FLT1: variants seen among roughly 807,000 people sequenced by gnomAD.
FLT1 encodes fms related receptor tyrosine kinase 1, also known as vascular endothelial growth factor receptor 1.
FLT1 carries 49 observed loss-of-function variants against 156.3 expected under a neutral mutation model. The ratio of observed to expected loss-of-function variants is 0.31; its 90% confidence interval spans 0.25 to 0.40. The LOEUF (loss-of-function observed/expected upper bound fraction) is 0.40. Among genes scored for constraint, FLT1 ranks in the 10% least tolerant of loss-of-function variants. The probability of loss-of-function intolerance (pLI) is 1.00; values close to 1 mark genes in which losing one functional copy is unlikely to be tolerated. For missense variants in FLT1, 1,322 were observed against 1,637.2 expected, an observed-to-expected ratio of 0.81 and a Z score of 3.32; for synonymous variants, 594 against 583.8, an observed-to-expected ratio of 1.02 and a Z score of -0.25.
intron 10 of FLT1, among the ~76,000 whole-genome samples, chr13:28,412,165 C>CTAAA (rs1876239504): frequency 6.6e-6 from 1 of 152,220 alleles, no homozygotes. Flanking sequence ...ATTATGGCGG[C>CTAAA]CATCCTGTAG....
intron 14 of FLT1, among the ~76,000 whole-genome samples, chr13:28,384,100 T>A (rs1030739830): frequency 6.6e-6 from 1 of 152,172 alleles, no homozygotes; most frequent in African/African-American, 2.4e-5. Context: ...AAAAGTTTTC[T>A]TTTTACCAAA....
intron 11 of FLT1, among the ~76,000 whole-genome samples, chr13:28,405,055 A>G (rs1220065502): frequency 6.6e-6 from 1 of 151,862 alleles, no homozygotes; most frequent in Non-Finnish European, 1.5e-5. Flanking sequence ...AAGAATCACT[A>G]TCCCTGTGCC....
intron 3 of FLT1, among the ~76,000 whole-genome samples, chr13:28,451,638 C>T (rs1878945235): frequency 8.3e-6 from 1 of 121,150 alleles, no homozygotes; most frequent in Non-Finnish European, 1.8e-5. Context: ...GGGAGCGGGT[C>T]GGGGTGGAGG....
chr13:28,438,753 C>T (rs1475284126), intron 3 of FLT1, among the ~76,000 whole-genome samples: 1 of 152,192 alleles, frequency 6.6e-6, no homozygotes, highest in Non-Finnish European at 1.5e-5. Context: ...GGCATAGATG[C>T]AGTGGCGAAG....
chr13:28,330,117 T>G (rs1593685679), intron 18 of FLT1, among the ~76,000 whole-genome samples: 1 of 152,236 alleles, frequency 6.6e-6, no homozygotes, highest in Non-Finnish European at 1.5e-5. Flanking sequence ...TCTTCTCACC[T>G]TCTCCCTTTG....
chr13:28,478,037 T>G (rs1392968151), intron 1 of FLT1, among the ~76,000 whole-genome samples: 1 of 152,246 alleles, frequency 6.6e-6, no homozygotes, highest in Non-Finnish European at 1.5e-5. Context: ...TTGTGCATCC[T>G]CTTTAGAATC....
chr13:28,435,621 C>T (rs1302168114), intron 4 of FLT1, among the ~76,000 whole-genome samples: 4 of 152,210 alleles, frequency 2.6e-5, no homozygotes, highest in African/African-American at 9.7e-5. Flanking sequence ...CTCGCTCTAT[C>T]CAGTTATCAT....
chr13:28,303,346 T>C lies in FLT1; in HGVS notation c.3838A>G (p.Lys1280Glu), dbSNP rs1217461790. 1.9e-6 allele frequency: 3 copies of C among 1,613,970 alleles called. No homozygotes were observed. The highest frequency in any genetic ancestry group is 2.2e-5 in the South Asian group (2 of 91,080). Reference protein sequence around the residue: ...KIDLRVTSKSKESGLSDVSRP... With the variant: ...KIDLRVTSKSEESGLSDVSRP... ...CTGACATCAGACAGCCCCGACTCCT[T>C]ACTTTTACTGGTTACTCTCAAGCTA... Residue 1280 changes from lysine (K) to glutamate (E), a missense_variant, in exon 30 of 30, where the codon AAG becomes GAG. Around this residue, in one of 3 missense-constraint regions of FLT1, gnomAD observed 329 missense variants for 366.2 expected, o/e 0.90. Transcript: ENST00000282397.
intron 10 of FLT1, among the ~76,000 whole-genome samples, chr13:28,411,792 G>C (rs566347502): frequency 6.6e-6 from 1 of 152,186 alleles, no homozygotes; most frequent in African/African-American, 2.4e-5. Context: ...GCCATTGTCT[G>C]GGAATGAATG....
chr13:28,405,967 A>G, intron 10 of FLT1, 73 bp from the exon 11 acceptor site: 1 of 810,308 alleles, frequency 1.2e-6, no homozygotes, highest in South Asian at 1.3e-5. Context: ...TGAAATGAAA[A>G]CTTGGTGTAA....
intron 10 of FLT1, among the ~76,000 whole-genome samples, chr13:28,412,377 T>TTTCTTTCTTTCTTTCTTTCTTTCCTTCC (rs1876319606): frequency 8.3e-6 from 1 of 120,548 alleles, no homozygotes; most frequent in African/African-American, 3.1e-5. Flanking sequence ...TCTTTCTTTC[T>TTTCTTTCTTTCTTTCTTTCTTTCCTTCC]TTCTTTCTTT....
chr13:28,438,123 G>T, intron 4 of FLT1, 98 bp downstream of exon 4: 2 of 1,262,202 alleles, frequency 1.6e-6, no homozygotes, highest in African/African-American at 1.5e-5. Context: ...AAGCCCAGGT[G>T]TTTGTAAGGA....
chr13:28,418,963 AT>A, intron 10 of FLT1, among the ~76,000 whole-genome samples: 1 of 152,298 alleles, frequency 6.6e-6, no homozygotes, highest in African/African-American at 2.4e-5. Flanking sequence ...AGTAATCACC[AT>A]TCCGTAAAAC....
chr13:28,365,144 G>A (rs1873242133), intron 14 of FLT1, among the ~76,000 whole-genome samples: 1 of 152,066 alleles, frequency 6.6e-6, no homozygotes, highest in South Asian at 2.1e-4. Flanking sequence ...AGAATATTGA[G>A]TATCTTTGAG....
At chr13:28,464,608 G>A (rs1029330455) in intron 3 of FLT1, among the ~76,000 whole-genome samples, 2 of 152,258 alleles carry the variant, frequency 1.3e-5, no homozygotes, top group Non-Finnish European at 2.9e-5. Context: ...GACATGGACC[G>A]TGCCATCACA....
At chr13:28,476,211 G>C (rs879333546) in intron 1 of FLT1, among the ~76,000 whole-genome samples, 1 of 152,054 alleles carries the variant, frequency 6.6e-6, no homozygotes, top group Non-Finnish European at 1.5e-5. Context: ...AGTGGTGGTG[G>C]GGAGGTTGAT....
At chr13:28,417,671 GT>G (rs11450136) in intron 10 of FLT1, among the ~76,000 whole-genome samples, 87,773 of 144,836 alleles carry the variant, frequency 0.61, 27,189 homozygotes, top group Admixed American at 0.72. Context: ...CCTTAATTCC[GT>G]TTTTTTTTTT....
intron 3 of FLT1, among the ~76,000 whole-genome samples, chr13:28,442,196 ATTCCT>A (rs1388473534): frequency 6.6e-6 from 1 of 152,222 alleles, no homozygotes; most frequent in Admixed American, 6.5e-5. Context: ...GGATTTGATC[ATTCCT>A]TTCCTTCCTC....
intron 27 of FLT1, among the ~76,000 whole-genome samples, chr13:28,309,267 G>A (rs576787134): frequency 1.3e-5 from 2 of 152,342 alleles, no homozygotes; most frequent in South Asian, 4.1e-4. Flanking sequence ...GATGTGCAGG[G>A]AAGTGGTATG....
Sources: gnomAD v4.1 joint callset for allele counts (sites outside exome capture counted in the v4.1 genomes callset) on GRCh38, gnomAD v4.1.1 for gene constraint, gnomAD v4.1.1 regional missense constraint, MANE v1.5 for transcripts, NCBI Gene and HGNC (gene_info 2026-07-23, HGNC 2026-07-21) for gene names.